RYR3: variants seen among roughly 807,000 people sequenced by gnomAD.
RYR3 encodes the protein brain ryanodine receptor-calcium release channel.
A neutral mutation model predicts 584.3 loss-of-function variants in RYR3; 207 were observed. The ratio of observed to expected loss-of-function variants is 0.35; its 90% CI spans 0.32 to 0.40. RYR3 has a LOEUF of 0.40. Among genes scored for constraint, RYR3 ranks in the 10% least tolerant of loss-of-function variants. RYR3 has a pLI of 1.00. For missense variants in RYR3, 5,616 were observed against 6,089.2 expected, an observed-to-expected ratio of 0.92 and a Z score of 2.59; for synonymous variants, 2,416 against 2,248.5, an observed-to-expected ratio of 1.07 and a Z score of -2.11.
intron 100 of RYR3, 33 bp from the exon 101 acceptor site, chr15:33,860,562 C>G (rs576730554): frequency 7.1e-7 from 1 of 1,405,342 alleles, no homozygotes; most frequent in Non-Finnish European, 9.8e-7. Context: ...AACCACTACA[C>G]AGATTGCTTT....
At chr15:33,746,211 G>A (rs1390290372) in intron 53 of RYR3, 54 bp downstream of exon 53, 2 of 1,271,666 alleles carry the variant, frequency 1.6e-6, no homozygotes, top group Non-Finnish European at 2.2e-6. Context: ...CCTTCCTTGA[G>A]TGATTTTATC....
chr15:33,501,841 G>T (rs2052017236), intron 2 of RYR3, among the ~76,000 whole-genome samples: 1 of 152,152 alleles, frequency 6.6e-6, no homozygotes, highest in African/African-American at 2.4e-5. Flanking sequence ...CTGCCTGCTT[G>T]CTCAAGTCCC....
intron 1 of RYR3, among the ~76,000 whole-genome samples, chr15:33,327,176 G>A (rs1969824936): frequency 6.6e-6 from 1 of 152,166 alleles, no homozygotes; most frequent in Non-Finnish European, 1.5e-5. Context: ...AGAAAAAAAA[G>A]TAAGTACTTT....
chr15:33,841,490 T>C (rs2078359961), intron 90 of RYR3, among the ~76,000 whole-genome samples: 1 of 152,208 alleles, frequency 6.6e-6, no homozygotes, highest in South Asian at 2.1e-4. Context: ...TAAATACCTA[T>C]TATGTGTCAG....
intron 2 of RYR3, among the ~76,000 whole-genome samples, chr15:33,483,542 T>C (rs950069784): frequency 1.3e-5 from 2 of 152,222 alleles, no homozygotes; most frequent in African/African-American, 4.8e-5. Flanking sequence ...TCTAAGGTGC[T>C]GTTCCTGGTC....
intron 50 of RYR3, among the ~76,000 whole-genome samples, chr15:33,739,583 G>A (rs752661614): frequency 4.4e-4 from 57 of 130,838 alleles, no homozygotes; most frequent in Middle Eastern, 3.9e-3. Flanking sequence ...AGGAGATATT[G>A]ATTTAAGCCT....
intron 43 of RYR3, among the ~76,000 whole-genome samples, chr15:33,718,590 A>G (rs1219432791): frequency 6.6e-6 from 1 of 152,170 alleles, no homozygotes; most frequent in Non-Finnish European, 1.5e-5. Context: ...GAGGGTTTAC[A>G]TCAAAAGAAT....
intron 1 of RYR3, among the ~76,000 whole-genome samples, chr15:33,431,003 C>CT (rs2045097984): frequency 6.6e-6 from 1 of 152,122 alleles, no homozygotes; most frequent in African/African-American, 2.4e-5. Flanking sequence ...AACAACTAGA[C>CT]TTAGGGGCTC....
rs532370617 is a variant in RYR3 at position 33,780,440 on chromosome 15, C to T, written c.9268+99C>T. 4 of 1,324,050 alleles carry T rather than the reference C, an allele frequency of 3.0e-6. No homozygotes were observed. The East Asian group carries it at 7.4e-5, about 24-fold the overall frequency. The allele number at this position is 1,324,050 out of a possible 1,614,324, so 82.0% of individuals were successfully genotyped here. ...AGCAGCCCTGCAGCACTGTGGCTTT[C>T]TTGGTCTGAGAGGAGCCAGGAGGTG... On this transcript the variant is annotated intron_variant, in intron 65 of 103. Coordinates refer to ENST00000634891, the MANE Select transcript of RYR3 (RefSeq NM_001036.6).
At chr15:33,546,254 G>A (rs184920514) in intron 8 of RYR3, among the ~76,000 whole-genome samples, 1 of 152,190 alleles carries the variant, frequency 6.6e-6, no homozygotes, top group Non-Finnish European at 1.5e-5. Context: ...CTGTGACCTG[G>A]GTGAGCCACT....
chr15:33,566,729 T>C lies in RYR3; in HGVS notation c.1198T>C (p.Cys400Arg). The change falls in exon 12 of 104, where the codon TGC (cysteine) becomes CGC (arginine). Residue 400 changes from cysteine (C) to arginine (R), a missense_variant. Physicochemically the swap from Cys to Arg is radical, Grantham distance 180. Coordinates refer to ENST00000634891, the MANE Select transcript of RYR3 (RefSeq NM_001036.6). ...GGATGATGGATTAACACTGCAGAGA[T>C]GCCAGCGTGAGGAGTCCCAGGCTGC... ...HMDDGLTLQR[C>R]QREESQAARI... The C allele has an allele frequency of 6.2e-7, 1 of 1,613,784 alleles. No individual in the cohort carries two copies. The highest frequency in any genetic ancestry group is 8.5e-7 in the Non-Finnish European group (1 of 1,179,706).
At chr15:33,683,185 G>A (rs1242633442) in intron 38 of RYR3, among the ~76,000 whole-genome samples, 2 of 151,896 alleles carry the variant, frequency 1.3e-5, no homozygotes, top group Non-Finnish European at 2.9e-5. Flanking sequence ...TAGTAGAGAT[G>A]GGGTTTCACT....
At chr15:33,737,308 A>G (rs775948050) in intron 49 of RYR3, among the ~76,000 whole-genome samples, 1 of 152,104 alleles carries the variant, frequency 6.6e-6, no homozygotes, top group Non-Finnish European at 1.5e-5. Context: ...ATAAATTACA[A>G]ATATTTTATC....
intron 101 of RYR3, among the ~76,000 whole-genome samples, 188 bp from the exon 102 acceptor site, chr15:33,860,890 G>C (rs1887948672): frequency 6.6e-6 from 1 of 151,732 alleles, no homozygotes; most frequent in South Asian, 2.1e-4. Context: ...CTAATCAGGA[G>C]CTAAGTGTAT....
chr15:33,773,985 A>G (rs756277782), intron 64 of RYR3, among the ~76,000 whole-genome samples: 4 of 152,248 alleles, frequency 2.6e-5, no homozygotes, highest in Non-Finnish European at 4.4e-5. Flanking sequence ...CTCAAGGGAC[A>G]TGAGGCAGTT....
intron 1 of RYR3, among the ~76,000 whole-genome samples, chr15:33,445,372 AT>A (rs2046551425): frequency 6.6e-6 from 1 of 152,096 alleles, no homozygotes; most frequent in Non-Finnish European, 1.5e-5. Context: ...GAATGCTGGT[AT>A]TTTCAGAGAT....
intron 16 of RYR3, among the ~76,000 whole-genome samples, chr15:33,599,620 CAGA>C (rs1441641099): frequency 6.6e-6 from 1 of 152,174 alleles, no homozygotes; most frequent in African/African-American, 2.4e-5. Flanking sequence ...TCTCAGTGAG[CAGA>C]GGAGTGACTG....
intron 1 of RYR3, among the ~76,000 whole-genome samples, chr15:33,338,307 G>A (rs541291716): frequency 6.6e-6 from 1 of 152,204 alleles, no homozygotes; most frequent in East Asian, 1.9e-4. Context: ...CCTCAAAGAT[G>A]ATTTTCGGGG....
At chr15:33,607,852 G>A (rs1221559029) in intron 18 of RYR3, among the ~76,000 whole-genome samples, 2 of 152,130 alleles carry the variant, frequency 1.3e-5, no homozygotes, top group African/African-American at 2.4e-5. Context: ...GTTACAGTGT[G>A]CGAGGCGCTC....
Sources: gnomAD v4.1 joint callset for allele counts (sites outside exome capture counted in the v4.1 genomes callset) on GRCh38, gnomAD v4.1.1 for gene constraint, MANE v1.5 for transcripts, NCBI Gene and HGNC (gene_info 2026-07-23, HGNC 2026-07-21) for gene names.